The following FAP variants were observed in gnomAD, a reference collection of about 807,000 sequenced individuals.
FAP encodes the protein fibroblast activation protein alpha.
A neutral mutation model predicts 126.5 loss-of-function variants in FAP; 110 were observed. The observed-to-expected ratio is 0.87, with a 90% CI of 0.74 to 1.02. The LOEUF (loss-of-function observed/expected upper bound fraction) is 1.02, where lower values mean the gene tolerates loss of function less well. FAP is among the 50% of genes least tolerant of loss of function. The probability of loss-of-function intolerance (pLI) is 0.00; values close to 1 mark genes in which losing one functional copy is unlikely to be tolerated. For synonymous variants in FAP, 334 were observed against 297.3 expected, an observed-to-expected ratio of 1.12 and a Z score of -1.27; for missense variants, 919 against 909.2, an observed-to-expected ratio of 1.01 and a Z score of -0.14.
rs116789478 is a variant in FAP at position 162,236,036 on chromosome 2, T to C, written c.91+6872A>G. Among the ~76,000 whole-genome samples, 657 of 152,346 alleles carry C rather than the reference T, an allele frequency of 4.3e-3. 7 individuals are homozygous for C. The highest frequency in any genetic ancestry group is 0.015 in the African/African-American group (613 of 41,584). ...TATCATGAAAGGGTGCTGCATTTTGTCAAATCCTTTTTCTGTGTCTATTAT... is the reference window on the plus strand; with the variant it reads ...TATCATGAAAGGGTGCTGCATTTTGCCAAATCCTTTTTCTGTGTCTATTAT... On this transcript the variant is annotated intron_variant, in intron 2 of 25. Coordinates refer to ENST00000188790, the MANE Select transcript of FAP (RefSeq NM_004460.5).
intron 21 of FAP, chr2:162,175,902 G>A (rs1687467298): frequency 6.6e-6 from 1 of 152,124 alleles, no homozygotes; most frequent in Non-Finnish European, 1.5e-5. Context: ...GGACTAAGCA[G>A]TTGTCTGGGA....
rs184062288 is a variant in FAP, at chr2:162,197,625, G to T, written c.1402+1132C>A. 5 of 456,644 alleles carry T rather than the reference G, an allele frequency of 1.1e-5. No individual in the cohort carries two copies. The East Asian group carries it at 3.5e-4, about 32-fold the overall frequency. 28.3% of individuals were successfully genotyped at this position (456,644 alleles called of 1,614,324 possible). On this transcript the variant is annotated intron_variant, in intron 16 of 25. Coordinates refer to ENST00000188790, the MANE Select transcript of FAP (RefSeq NM_004460.5). ...GGTTAAAATGCTTATTCATGTCCAC[G>T]TAGTCAAATGAGCTGCAGCTCAGGT...
chr2:162,220,437 T>A (rs1242482543), intron 6 of FAP, among the ~76,000 whole-genome samples: 1 of 152,226 alleles, frequency 6.6e-6, no homozygotes, highest in Non-Finnish European at 1.5e-5. Flanking sequence ...TGCTGAAGTT[T>A]AGTATGTGCT....
intron 12 of FAP, among the ~76,000 whole-genome samples, chr2:162,208,815 A>G (rs78472008): frequency 0.036 from 5,312 of 149,582 alleles, 472 homozygotes; most frequent in Admixed American, 0.21. Flanking sequence ...AGTGAGTTCA[A>G]ATAGGAGGGT....
intron 12 of FAP, among the ~76,000 whole-genome samples, chr2:162,204,929 A>T (rs150004407): frequency 1.1e-4 from 16 of 152,244 alleles, no homozygotes; most frequent in African/African-American, 3.4e-4. Context: ...ACCAAAACCT[A>T]ACTACGAGTC....
intron 12 of FAP, among the ~76,000 whole-genome samples, chr2:162,209,212 T>G (rs1688829732): frequency 6.6e-6 from 1 of 152,142 alleles, no homozygotes; most frequent in Non-Finnish European, 1.5e-5. Context: ...CGTCCAAATC[T>G]TAGAGAAGTA....
intron 18 of FAP, among the ~76,000 whole-genome samples, 189 bp downstream of exon 18, chr2:162,189,467 C>A (rs1386298782): frequency 1.3e-5 from 2 of 151,804 alleles, no homozygotes; most frequent in South Asian, 2.1e-4. Flanking sequence ...TAAGATCAAC[C>A]ATGTTCACAA....
intron 11 of FAP, among the ~76,000 whole-genome samples, chr2:162,211,739 A>C (rs1688943618): frequency 6.6e-6 from 1 of 152,216 alleles, no homozygotes; most frequent in East Asian, 1.9e-4. Flanking sequence ...GAAGCATAAT[A>C]TAAAAGATGT....
chr2:162,199,075 A>G (rs1434294122), intron 15 of FAP, among the ~76,000 whole-genome samples, 194 bp from the exon 16 acceptor site: 3 of 152,238 alleles, frequency 2.0e-5, no homozygotes, highest in Admixed American at 2.0e-4. Context: ...CTTTGCCTTA[A>G]TAGGCACAAA....
chr2:162,212,726 G>A lies in FAP; in HGVS notation c.1002+1212C>T, dbSNP rs559145141. On this transcript the variant is annotated intron_variant, in intron 11 of 25. Transcript: ENST00000188790. ...TATAAAATATGATTATTCTATATTT[G>A]TTTTAATGAAACATTTCTTCATAAT... Among the ~76,000 whole-genome samples the A allele has an allele frequency of 4.4e-4, 67 of 152,100 alleles. No homozygotes were observed. In the South Asian group the frequency reaches 0.014, roughly 31 times the overall value.
chr2:162,237,386 A>G (rs1000498185), intron 2 of FAP, among the ~76,000 whole-genome samples: 3 of 151,788 alleles, frequency 2.0e-5, no homozygotes, highest in Non-Finnish European at 2.9e-5. Flanking sequence ...CGACCCCCCA[A>G]CAGGCCCTGT....
At chr2:162,230,172 T>C (rs1689838570) in intron 2 of FAP, among the ~76,000 whole-genome samples, 1 of 152,168 alleles carries the variant, frequency 6.6e-6, no homozygotes, top group African/African-American at 2.4e-5. Flanking sequence ...AATTAAGCAT[T>C]CTTCTCTTCC....
intron 11 of FAP, among the ~76,000 whole-genome samples, chr2:162,211,844 C>T (rs932787389): frequency 1.3e-5 from 2 of 152,032 alleles, no homozygotes; most frequent in African/African-American, 4.8e-5. Flanking sequence ...TTGTTTGGGG[C>T]ATGACTCTCA....
intron 20 of FAP, among the ~76,000 whole-genome samples, chr2:162,186,883 T>A (rs1687882482): frequency 6.6e-6 from 1 of 151,990 alleles, no homozygotes; most frequent in Admixed American, 6.6e-5. Context: ...TCAGTGGGGT[T>A]TTTCTTTGAA....
chr2:162,219,474 A>G (rs1173423232), intron 7 of FAP, among the ~76,000 whole-genome samples: 1 of 152,182 alleles, frequency 6.6e-6, no homozygotes, highest in Non-Finnish European at 1.5e-5. Flanking sequence ...AAATCTCTGA[A>G]TATTAATAGC....
intron 21 of FAP, among the ~76,000 whole-genome samples, chr2:162,177,586 A>G (rs1269428858): frequency 6.6e-6 from 1 of 152,178 alleles, no homozygotes; most frequent in African/African-American, 2.4e-5. Flanking sequence ...GTCAAATGTC[A>G]TCTCAAATGA....
intron 14 of FAP, among the ~76,000 whole-genome samples, chr2:162,200,942 G>T (rs1009429349): frequency 6.6e-6 from 1 of 152,100 alleles, no homozygotes; most frequent in African/African-American, 2.4e-5. Context: ...CAGTTTACCT[G>T]TTTCTCTGTA....
intron 16 of FAP, chr2:162,198,425 T>G: frequency 9.1e-7 from 1 of 1,098,624 alleles, no homozygotes; most frequent in African/African-American, 1.6e-5. Context: ...GGGTTGCCTC[T>G]GCACGCAGTC....
Position 162,189,126 on chromosome 2 carries a change from C to T in FAP, c.1596G>A (p.Lys532=). The T allele has an allele frequency of 6.2e-7, 1 of 1,602,134 alleles. No homozygotes were observed. The highest frequency in any genetic ancestry group is 1.3e-5 in the African/African-American group (1 of 74,508). Residue 532 remains lysine, a synonymous_variant, in exon 19 of 26, where the codon AAG becomes AAA. Transcript: ENST00000188790. Reference sequence around the variant, plus strand: ...ACACTTGAATTAGCAAGGGATACTTCTTTGATCTGTCAAATTGAGGAGGAA... The same window carrying T: ...ACACTTGAATTAGCAAGGGATACTTTTTTGATCTGTCAAATTGAGGAGGAA... ...MILPPQFDRS[K]KYPLLIQVYG...
Sources: allele counts gnomAD v4.1 joint callset (sites outside exome capture counted in the v4.1 genomes callset), GRCh38; gene constraint gnomAD v4.1.1; transcripts MANE v1.5; gene names NCBI Gene and HGNC (gene_info 2026-07-23, HGNC 2026-07-21).